Variants in NUBPL observed in about 807,000 individuals in gnomAD.
NUBPL encodes the protein iron-sulfur cluster transfer protein NUBPL.
Under a neutral mutation model 45.7 loss-of-function variants are expected in NUBPL, and 31 were observed. The ratio of observed to expected loss-of-function variants is 0.68; its 90% confidence interval spans 0.51 to 0.92. NUBPL has a LOEUF of 0.92. NUBPL is among the 40% of genes least tolerant of loss of function. The probability of loss-of-function intolerance (pLI) is 0.00; values close to 1 mark genes in which losing one functional copy is unlikely to be tolerated. For missense variants in NUBPL, 401 were observed against 398.7 expected (o/e 1.01, Z -0.05); for synonymous variants, 144 against 140.9 (o/e 1.02, Z -0.15).
chr14:31,602,677 T>C (rs1213451074), intron 4 of NUBPL, among the ~76,000 whole-genome samples: 2 of 152,180 alleles, frequency 1.3e-5, no homozygotes, highest in South Asian at 4.1e-4. Context: ...TGAGGATTAA[T>C]ATAATGCATT....
At chr14:31,853,065 CTGTTG>C (rs1218449185) in intron 10 of NUBPL, among the ~76,000 whole-genome samples, 72 of 110,972 alleles carry the variant, frequency 6.5e-4, no homozygotes, top group Non-Finnish European at 1.0e-3. Flanking sequence ...TAGACTGATA[CTGTTG>C]TGTTGTGTTG....
intron 7 of NUBPL, among the ~76,000 whole-genome samples, chr14:31,802,466 C>G (rs1229774568): frequency 1.3e-5 from 2 of 151,950 alleles, no homozygotes; most frequent in Non-Finnish European, 2.9e-5. Flanking sequence ...TTAGTAGAGA[C>G]CGGGTTTCAC....
At chr14:31,735,655 C>A (rs1176148396) in intron 6 of NUBPL, among the ~76,000 whole-genome samples, 2 of 151,774 alleles carry the variant, frequency 1.3e-5, no homozygotes, top group Non-Finnish European at 1.5e-5. Flanking sequence ...AGTTCGAGAC[C>A]AGCCTGGCCA....
chr14:31,723,246 G>T (rs1449496952), intron 6 of NUBPL, among the ~76,000 whole-genome samples: 1 of 152,028 alleles, frequency 6.6e-6, no homozygotes, highest in Non-Finnish European at 1.5e-5. Context: ...AAGACCAGAT[G>T]GTTGTTGGTG....
chr14:31,804,459 AC>A (rs1304071541), intron 7 of NUBPL, among the ~76,000 whole-genome samples: 1 of 152,150 alleles, frequency 6.6e-6, no homozygotes, highest in Non-Finnish European at 1.5e-5. Context: ...ACTTGTCTAG[AC>A]CAACCCATCT....
intron 6 of NUBPL, among the ~76,000 whole-genome samples, chr14:31,693,852 CTTTTCTTTTTT>C (rs796398579): frequency 0.011 from 725 of 66,586 alleles, 13 homozygotes; most frequent in African/African-American, 0.03. Flanking sequence ...ATTTTCTTTT[CTTTTCTTTTTT>C]TTTTTTTTTT....
intron 4 of NUBPL, among the ~76,000 whole-genome samples, chr14:31,608,503 G>A (rs1032103734): frequency 2.0e-5 from 3 of 152,002 alleles, no homozygotes; most frequent in Non-Finnish European, 2.9e-5. Context: ...GCAGTGAGCC[G>A]AGATCATGCC....
chr14:31,711,668 G>A (rs1241497000), intron 6 of NUBPL, among the ~76,000 whole-genome samples: 1 of 152,160 alleles, frequency 6.6e-6, no homozygotes, highest in Non-Finnish European at 1.5e-5. Context: ...ATGTTCAGAT[G>A]TGTCCAGAGT....
intron 6 of NUBPL, chr14:31,714,892 T>G (rs1291171561): frequency 1.3e-5 from 2 of 152,192 alleles, no homozygotes; most frequent in African/African-American, 4.8e-5. Context: ...TGTATAAGTT[T>G]TTCCCAGTTT....
At chr14:31,779,178 C>T (rs1808770258) in intron 6 of NUBPL, among the ~76,000 whole-genome samples, 1 of 151,894 alleles carries the variant, frequency 6.6e-6, no homozygotes, top group South Asian at 2.1e-4. Context: ...CCCATCTCTA[C>T]TAACATTACA....
rs1426357346 is a variant in NUBPL, at chr14:31,602,400, A to T, written c.382+3021A>T. Among the ~76,000 whole-genome samples the T allele has an allele frequency of 8.1e-4, 51 of 62,692 alleles. 1 individual carries two copies. The highest frequency in any genetic ancestry group is 4.8e-3 in the East Asian group (12 of 2,518). 41.1% of individuals were successfully genotyped at this position (62,692 alleles called of 152,430 possible). On this transcript the variant is annotated intron_variant, in intron 4 of 10. Transcript: ENST00000281081. ...AACTTAAAGTATAATAATAGAAAAAAAAAAGAAAAAAAAAGCAGACATGGA... is the reference window on the plus strand; with the variant it reads ...AACTTAAAGTATAATAATAGAAAAATAAAAGAAAAAAAAAGCAGACATGGA...
chr14:31,809,295 G>A (rs2039753502), intron 7 of NUBPL, among the ~76,000 whole-genome samples: 2 of 152,234 alleles, frequency 1.3e-5, no homozygotes, highest in Non-Finnish European at 2.9e-5. Flanking sequence ...CAATTTCAGA[G>A]CCTGTTACTC....
At chr14:31,650,603 C>T (rs117889393) in intron 4 of NUBPL, among the ~76,000 whole-genome samples, 2,231 of 152,094 alleles carry the variant, frequency 0.015, 89 homozygotes, top group Admixed American at 0.077. Flanking sequence ...GAATGGCTTT[C>T]ATTGAAAAAA....
At chr14:31,774,357 C>T (rs1257833182) in intron 6 of NUBPL, among the ~76,000 whole-genome samples, 3 of 152,202 alleles carry the variant, frequency 2.0e-5, no homozygotes, top group Admixed American at 6.5e-5. Context: ...TGGTAAACTG[C>T]TTGAACCAGC....
At chr14:31,654,209 G>A in intron 4 of NUBPL, 4 of 353,918 alleles carry the variant, frequency 1.1e-5, no homozygotes, top group South Asian at 8.5e-5. Context: ...TCCATGAAGT[G>A]TGAAATAGCA....
chr14:31,635,183 G>A (rs1362298224), intron 4 of NUBPL, among the ~76,000 whole-genome samples: 2 of 151,438 alleles, frequency 1.3e-5, no homozygotes, highest in Non-Finnish European at 2.9e-5. Flanking sequence ...GTCCTGAATG[G>A]TAATGCCTAG....
chr14:31,763,994 C>A (rs1235916491), intron 6 of NUBPL, among the ~76,000 whole-genome samples: 1 of 152,102 alleles, frequency 6.6e-6, no homozygotes, highest in Non-Finnish European at 1.5e-5. Flanking sequence ...CTCCAAATAG[C>A]ACATTTTTGT....
chr14:31,662,410 A>G (rs978781947), intron 4 of NUBPL, among the ~76,000 whole-genome samples: 10 of 151,964 alleles, frequency 6.6e-5, no homozygotes, highest in Non-Finnish European at 1.2e-4. Context: ...TCAACGTGTC[A>G]TCTAGGCTTT....
intron 6 of NUBPL, among the ~76,000 whole-genome samples, chr14:31,730,125 TA>T: frequency 6.6e-6 from 1 of 152,202 alleles, no homozygotes; most frequent in Non-Finnish European, 1.5e-5. Flanking sequence ...AAGGACAATT[TA>T]AAAATTGGAT....
Sources: allele counts gnomAD v4.1 joint callset (sites outside exome capture counted in the v4.1 genomes callset), GRCh38; gene constraint gnomAD v4.1.1; transcripts MANE v1.5; gene names NCBI Gene and HGNC (gene_info 2026-07-23, HGNC 2026-07-21).